Variants in ULK4 observed in about 807,000 individuals in gnomAD.
The protein encoded by ULK4 is inactive serine/threonine-protein kinase ULK4.
Under a neutral mutation model 160.6 loss-of-function variants are expected in ULK4, and 133 were observed. The observed-to-expected ratio is 0.83, with a 90% CI of 0.72 to 0.96. The LOEUF is 0.96. Among genes scored for constraint, ULK4 ranks in the 40% least tolerant of loss-of-function variants. The pLI, the probability that ULK4 is intolerant of heterozygous loss-of-function variation, is 0.00. For synonymous variants in ULK4, 534 were observed against 539.8 expected, an observed-to-expected ratio of 0.99 and a Z score of 0.15; for missense variants, 1,580 against 1,499.5, an observed-to-expected ratio of 1.05 and a Z score of -0.89.
intron 16 of ULK4, 35 bp from the exon 17 acceptor site, chr3:41,883,987 G>C (rs749448154): frequency 1.3e-6 from 2 of 1,499,298 alleles, no homozygotes; most frequent in Admixed American, 1.7e-5. Context: ...CTGAAAAGAA[G>C]AGTCGGGGAC....
At chr3:41,634,836 A>T (rs995055426) in intron 30 of ULK4, among the ~76,000 whole-genome samples, 1 of 152,218 alleles carries the variant, frequency 6.6e-6, no homozygotes, top group African/African-American at 2.4e-5. Context: ...AATTTGTTTC[A>T]GAGTTTATAA....
chr3:41,647,372 G>T (rs2034544897), intron 30 of ULK4, among the ~76,000 whole-genome samples: 1 of 152,078 alleles, frequency 6.6e-6, no homozygotes, highest in Admixed American at 6.5e-5. Context: ...TGGGTTTTTG[G>T]TGTGGATGTC....
chr3:41,313,160 G>C (rs2080082726), intron 35 of ULK4, among the ~76,000 whole-genome samples: 1 of 152,050 alleles, frequency 6.6e-6, no homozygotes, highest in African/African-American at 2.4e-5. Flanking sequence ...GAAAAGAGGG[G>C]AATAGAGACA....
At chr3:41,382,634 G>A (rs1273922879) in intron 35 of ULK4, among the ~76,000 whole-genome samples, 1 of 151,808 alleles carries the variant, frequency 6.6e-6, no homozygotes, top group Non-Finnish European at 1.5e-5. Flanking sequence ...TCTGTTGACT[G>A]AATTCAAGAT....
At chr3:41,329,144 G>A (rs1450347357) in intron 35 of ULK4, among the ~76,000 whole-genome samples, 1 of 152,094 alleles carries the variant, frequency 6.6e-6, no homozygotes, top group African/African-American at 2.4e-5. Flanking sequence ...TACTTAGTAT[G>A]TAAGCTTTTG....
At chr3:41,552,859 C>G (rs1449066188) in intron 32 of ULK4, among the ~76,000 whole-genome samples, 1 of 151,942 alleles carries the variant, frequency 6.6e-6, no homozygotes, top group East Asian at 1.9e-4. Flanking sequence ...AAACACATTA[C>G]AAGGCTATGT....
At chr3:41,574,526 GTCC>G (rs147404247) in intron 31 of ULK4, among the ~76,000 whole-genome samples, 2,948 of 98,092 alleles carry the variant, frequency 0.03, 110 homozygotes, top group Non-Finnish European at 0.044. Flanking sequence ...TGCTACCAGA[GTCC>G]TCTTTTTTTT....
intron 22 of ULK4, among the ~76,000 whole-genome samples, chr3:41,736,749 A>C (rs925854462): frequency 1.3e-5 from 2 of 151,200 alleles, no homozygotes; most frequent in Admixed American, 1.3e-4. Context: ...TTGGTGTTTT[A>C]GACATGAAGT....
chr3:41,312,042 C>T (rs1467962098), intron 35 of ULK4, among the ~76,000 whole-genome samples: 1 of 149,926 alleles, frequency 6.7e-6, no homozygotes, highest in African/African-American at 2.5e-5. Flanking sequence ...GGCATGATTA[C>T]AGCTCACCGC....
intron 31 of ULK4, among the ~76,000 whole-genome samples, chr3:41,591,178 A>C (rs4973973): frequency 0.58 from 88,027 of 152,060 alleles, 26,619 homozygotes; most frequent in African/African-American, 0.78. Flanking sequence ...CCAGAAGACA[A>C]TGAAAAGCAA....
At chr3:41,881,754 G>T (rs952359495) in intron 17 of ULK4, among the ~76,000 whole-genome samples, 2 of 152,044 alleles carry the variant, frequency 1.3e-5, no homozygotes, top group African/African-American at 4.8e-5. Context: ...TAAAGCATCA[G>T]CAAATACCCA....
intron 22 of ULK4, among the ~76,000 whole-genome samples, chr3:41,732,154 T>C (rs1434959437): frequency 6.6e-6 from 1 of 152,062 alleles, no homozygotes; most frequent in Non-Finnish European, 1.5e-5. Context: ...AAAAAGCTTC[T>C]GCACAACAAA....
intron 30 of ULK4, among the ~76,000 whole-genome samples, chr3:41,662,349 T>C (rs1040005813): frequency 2.0e-5 from 3 of 152,154 alleles, no homozygotes; most frequent in African/African-American, 7.2e-5. Context: ...TGGCATCCTT[T>C]GGAAATGGAT....
At chr3:41,627,891 T>C (rs549390622) in intron 30 of ULK4, among the ~76,000 whole-genome samples, 19 of 152,028 alleles carry the variant, frequency 1.2e-4, no homozygotes, top group African/African-American at 3.6e-4. Flanking sequence ...GCAGGCATGA[T>C]AGAGGAGGGT....
chr3:41,343,461 C>T (rs544964980), intron 35 of ULK4, among the ~76,000 whole-genome samples: 12 of 152,010 alleles, frequency 7.9e-5, no homozygotes, highest in Admixed American at 2.0e-4. Flanking sequence ...CACGCCACCA[C>T]GCCTGGCTAA....
At chr3:41,432,616 C>T (rs1401374327) in intron 34 of ULK4, among the ~76,000 whole-genome samples, 2 of 152,148 alleles carry the variant, frequency 1.3e-5, no homozygotes, top group East Asian at 3.9e-4. Flanking sequence ...ATGATATTTT[C>T]ATAGAAGACA....
intron 35 of ULK4, among the ~76,000 whole-genome samples, chr3:41,293,926 G>C (rs1258492258): frequency 6.6e-6 from 1 of 152,200 alleles, no homozygotes; most frequent in Non-Finnish European, 1.5e-5. Flanking sequence ...TGGAGAGAAA[G>C]CAAAATGACT....
intron 30 of ULK4, among the ~76,000 whole-genome samples, chr3:41,626,856 T>C (rs949240636): frequency 1.3e-5 from 2 of 152,152 alleles, no homozygotes; most frequent in African/African-American, 4.8e-5. Flanking sequence ...GGTAAAGTCA[T>C]AGCAGTGGCC....
chr3:41,253,419 A>C (rs1460647691), intron 35 of ULK4, among the ~76,000 whole-genome samples: 1 of 152,032 alleles, frequency 6.6e-6, no homozygotes, highest in Non-Finnish European at 1.5e-5. Context: ...TTTATGTTCC[A>C]TTTGAAGTGG....
Sources: gnomAD v4.1 joint callset for allele counts (sites outside exome capture counted in the v4.1 genomes callset) on GRCh38, gnomAD v4.1.1 for gene constraint, MANE v1.5 for transcripts, NCBI Gene and HGNC (gene_info 2026-07-23, HGNC 2026-07-21) for gene names.